BRCA1: variants seen among roughly 807,000 people sequenced by gnomAD.
The protein encoded by BRCA1 is breast cancer type 1 susceptibility protein.
A neutral mutation model predicts 173.7 loss-of-function variants in BRCA1; 140 were observed. The observed-to-expected ratio is 0.81, with a 90% CI of 0.70 to 0.93. The LOEUF is 0.93. BRCA1 is among the 40% of genes least tolerant of loss of function. The probability of loss-of-function intolerance (pLI) is 0.00; values close to 1 mark genes in which losing one functional copy is unlikely to be tolerated. For missense variants in BRCA1, 1,983 were observed against 2,172.5 expected, an observed-to-expected ratio of 0.91 and a Z score of 1.73; for synonymous variants, 662 against 756.0, an observed-to-expected ratio of 0.88 and a Z score of 2.04.
intron 1 of BRCA1, among the ~76,000 whole-genome samples, chr17:43,143,236 C>T (rs1390886385): frequency 1.3e-5 from 2 of 151,930 alleles, no homozygotes; most frequent in East Asian, 1.9e-4. Context: ...CCACCATGCC[C>T]GGCCTAGTCT....
At chr17:43,110,517 T>C in intron 3 of BRCA1, 1 of 429,760 alleles carries the variant, frequency 2.3e-6, no homozygotes, top group Non-Finnish European at 4.7e-6. Context: ...GCCTAGGAGG[T>C]CAAGGCAACA....
intron 6 of BRCA1, among the ~76,000 whole-genome samples, chr17:43,100,602 TATATAAC>T (rs2054367388): frequency 2.2e-5 from 2 of 91,828 alleles, no homozygotes; most frequent in African/African-American, 8.5e-5. Flanking sequence ...ATATTATATA[TATATAAC>T]ATATATATAA....
intron 19 of BRCA1, 145 bp downstream of exon 19, chr17:43,056,907 T>TG (rs2051485996): frequency 1.3e-6 from 1 of 791,730 alleles, no homozygotes; most frequent in African/African-American, 1.7e-5. Flanking sequence ...GATGGAAGAG[T>TG]GAAAAAAGAA....
chr17:43,090,873 T>G, intron 11 of BRCA1, 71 bp downstream of exon 11: 1 of 1,365,186 alleles, frequency 7.3e-7, no homozygotes, highest in Non-Finnish European at 1.0e-6. Context: ...AACCTAAGAA[T>G]GTGGGATACA....
At chr17:43,101,627 C>T (rs550369539) in intron 6 of BRCA1, among the ~76,000 whole-genome samples, 19 of 152,200 alleles carry the variant, frequency 1.2e-4, no homozygotes, top group African/African-American at 4.1e-4. Flanking sequence ...CTCCGCCTCC[C>T]GAGTAGCTGG....
chr17:43,128,558 G>A (rs1318583555), upstream of BRCA1, among the ~76,000 whole-genome samples: 1 of 152,202 alleles, frequency 6.6e-6, no homozygotes, highest in African/African-American at 2.4e-5. Context: ...CGACTCCTCA[G>A]TAGAAAGAGG....
chr17:43,099,868 G>T lies in BRCA1; in HGVS notation c.454C>A (p.Leu152Ile). The change falls in exon 7 of 23, where the codon CTC becomes ATC. Residue 152 changes from leucine to isoleucine, a missense_variant. Leu to Ile is a conservative substitution (Grantham distance 5). Coordinates refer to ENST00000357654, the MANE Select transcript of BRCA1 (RefSeq NM_007294.4). ...CCAAGGTTAGAGAGTTGGACACTGA[G>T]ACTGGTTTCCTGCTAAACAGTATGG... is the stretch of plus-strand genomic sequence containing the variant. The part of the protein sequence containing the change: ...PENPSLQETS[L>I]SVQLSNLGTV... 6.2e-7 allele frequency: 1 copy of T among 1,612,718 alleles called. No homozygotes were observed. Among genetic ancestry groups the T allele is most frequent in the Non-Finnish European group, 8.5e-7 (1 of 1,178,724 alleles).
intron 18 of BRCA1, among the ~76,000 whole-genome samples, chr17:43,062,411 G>T (rs2051803612): frequency 1.3e-5 from 2 of 152,128 alleles, no homozygotes; most frequent in African/African-American, 4.8e-5. Flanking sequence ...TTAATATGAA[G>T]AGCTTTTCTT....
At chr17:43,080,615 G>T (rs1177949032) in intron 12 of BRCA1, among the ~76,000 whole-genome samples, 1 of 151,990 alleles carries the variant, frequency 6.6e-6, no homozygotes, top group African/African-American at 2.4e-5. Flanking sequence ...GACCAACTTG[G>T]GCAACATAGG....
chr17:43,100,585 CATATATATATTAT>C (rs2054356895), intron 6 of BRCA1, among the ~76,000 whole-genome samples: 1 of 93,546 alleles, frequency 1.1e-5, no homozygotes, highest in African/African-American at 5.3e-5. Context: ...ATATATATAA[CATATATATATTAT>C]ATATATATAA....
At chr17:43,109,062 C>CTATCTACCTACCTATG (rs1396274057) in intron 3 of BRCA1, among the ~76,000 whole-genome samples, 8 of 152,100 alleles carry the variant, frequency 5.3e-5, no homozygotes, top group Non-Finnish European at 1.2e-4. Context: ...ACCTACCTAT[C>CTATCTACCTACCTATG]TATCTGTCTA....
intron 18 of BRCA1, among the ~76,000 whole-genome samples, chr17:43,060,997 G>A (rs965635964): frequency 6.6e-6 from 1 of 152,028 alleles, no homozygotes; most frequent in African/African-American, 2.4e-5. Context: ...GGTAGCACGC[G>A]TGCCTGTAAT....
chr17:43,045,871 A>C (rs901576003), intron 22 of BRCA1, 69 bp from the exon 23 acceptor site: 1 of 1,600,380 alleles, frequency 6.2e-7, no homozygotes. Context: ...TAATCAATCG[A>C]CTCCAGGGTC....
intron 15 of BRCA1, among the ~76,000 whole-genome samples, chr17:43,070,026 C>T (rs908204735): frequency 2.6e-5 from 4 of 152,218 alleles, no homozygotes; most frequent in South Asian, 2.1e-4. Flanking sequence ...CTCCGCCTCC[C>T]GGGTTCAAGC....
At chr17:43,097,344 G>C in intron 7 of BRCA1, 55 bp from the exon 8 acceptor site, 1 of 1,404,086 alleles carries the variant, frequency 7.1e-7, no homozygotes, top group Non-Finnish European at 1.0e-6. Context: ...AATTAAAAGG[G>C]TTAAAAAAAT....
In BRCA1 at chr17:43,049,594, C is replaced by T. The variant is rs191000183; in HGVS notation, c.5333-400G>A. On this transcript the variant is annotated intron_variant, in intron 20 of 22. Coordinates refer to ENST00000357654, the MANE Select transcript of BRCA1 (RefSeq NM_007294.4). ...ATTCTGTGTTGGTAACTGATAATCA[C>T]GGCCACTGAAAATACCATACTTGGT... Among the ~76,000 whole-genome samples the T allele has an allele frequency of 2.0e-5, 3 of 152,266 alleles. No homozygotes were observed. The East Asian group carries it at 5.8e-4, about 29-fold the overall frequency.
intron 11 of BRCA1, among the ~76,000 whole-genome samples, chr17:43,089,543 T>C (rs2053359688): frequency 7.3e-6 from 1 of 137,618 alleles, no homozygotes; most frequent in Non-Finnish European, 1.6e-5. Context: ...TAAAATTGTG[T>C]ACTTTCTTTT....
chr17:43,137,970 T>A (rs1169868354), intron 1 of BRCA1, among the ~76,000 whole-genome samples: 2 of 151,686 alleles, frequency 1.3e-5, no homozygotes, highest in Non-Finnish European at 2.9e-5. Context: ...GTGGATCACC[T>A]GAGGTCAGGA....
At chr17:43,056,929 G>C in intron 19 of BRCA1, 123 bp downstream of exon 19, 1 of 875,532 alleles carries the variant, frequency 1.1e-6, no homozygotes, top group Admixed American at 1.7e-5. Flanking sequence ...CTGTGTGAAA[G>C]TATCTAGCAC....
Sources: gnomAD v4.1 joint callset for allele counts (sites outside exome capture counted in the v4.1 genomes callset) on GRCh38, gnomAD v4.1.1 for gene constraint, MANE v1.5 for transcripts, NCBI Gene and HGNC (gene_info 2026-07-23, HGNC 2026-07-21) for gene names.